Variants in CFAP20DC observed in about 807,000 individuals in gnomAD.
CFAP20DC encodes CFAP20 domain containing.
Under a neutral mutation model 101.7 loss-of-function variants are expected in CFAP20DC, and 84 were observed. The observed-to-expected ratio is 0.83, with a 90% CI of 0.69 to 0.99. The LOEUF is 0.99. CFAP20DC is among the 50% of genes least tolerant of loss of function. The pLI is 0.00. For synonymous variants in CFAP20DC, 359 were observed against 351.2 expected, an observed-to-expected ratio of 1.02 and a Z score of -0.25; for missense variants, 1,007 against 970.3, an observed-to-expected ratio of 1.04 and a Z score of -0.50.
intron 4 of CFAP20DC, among the ~76,000 whole-genome samples, chr3:58,950,055 T>A (rs1428997154): frequency 1.3e-5 from 2 of 152,200 alleles, no homozygotes; most frequent in Non-Finnish European, 2.9e-5. Context: ...CTTAAGCTGA[T>A]AGGCAACTTC....
At chr3:59,029,124 G>A (rs1270100030) in intron 4 of CFAP20DC, among the ~76,000 whole-genome samples, 3 of 152,094 alleles carry the variant, frequency 2.0e-5, no homozygotes, top group African/African-American at 7.2e-5. Flanking sequence ...TGAGAACAGA[G>A]ACTGGGTGCT....
Position 58,849,366 on chromosome 3 carries a change from G to C in CFAP20DC, c.1637C>G (p.Pro546Arg), listed in dbSNP as rs2078017158. 6.5e-7 allele frequency: 1 copy of C among 1,535,564 alleles called. No individual in the cohort carries two copies. Among genetic ancestry groups the C allele is most frequent in the African/African-American group, 1.4e-5 (1 of 72,980 alleles). ...TAATGTTAACTGAGTTAACTCTGAA[G>C]GACCAGTTGTTGGGCCTCGAGAACC... ...IQGSRGPTTGPSELTQLTLES... is the reference protein window; with the variant it reads ...IQGSRGPTTGRSELTQLTLES... The change falls in exon 13 of 17, where the codon CCT becomes CGT. Residue 546 changes from proline (P) to arginine (R), a missense_variant. Physicochemically the swap from Pro to Arg is moderately radical, Grantham distance 103. Transcript: ENST00000482387.
At chr3:58,915,326 G>A (rs1283327645) in intron 5 of CFAP20DC, among the ~76,000 whole-genome samples, 1 of 152,100 alleles carries the variant, frequency 6.6e-6, no homozygotes, top group Non-Finnish European at 1.5e-5. Context: ...ACTGTGGCTT[G>A]GTGAAATGCA....
intron 7 of CFAP20DC, among the ~76,000 whole-genome samples, chr3:58,879,773 C>T (rs374703202): frequency 1.3e-5 from 2 of 151,698 alleles, no homozygotes; most frequent in Admixed American, 6.6e-5. Context: ...ATTAGAGCCC[C>T]GAGTTCACCA....
At chr3:58,921,484 T>A (rs1223719079) in intron 5 of CFAP20DC, among the ~76,000 whole-genome samples, 3 of 146,178 alleles carry the variant, frequency 2.1e-5, no homozygotes, top group Non-Finnish European at 4.4e-5. Context: ...AATATTCTAA[T>A]TTTTTTTTAC....
chr3:58,978,085 G>C (rs1206621479), intron 4 of CFAP20DC, among the ~76,000 whole-genome samples: 1 of 152,202 alleles, frequency 6.6e-6, no homozygotes, highest in Non-Finnish European at 1.5e-5. Context: ...GCCAAGGCCT[G>C]CATAGCTCTT....
At chr3:58,751,635 T>C (rs1041813835) in intron 16 of CFAP20DC, among the ~76,000 whole-genome samples, 5 of 152,096 alleles carry the variant, frequency 3.3e-5, no homozygotes, top group African/African-American at 1.2e-4. Flanking sequence ...AATGGAAAAA[T>C]AATATTTCAA....
At chr3:58,944,630 T>C (rs2089098006) in intron 4 of CFAP20DC, among the ~76,000 whole-genome samples, 1 of 152,124 alleles carries the variant, frequency 6.6e-6, no homozygotes. Context: ...TCTGTCCTTA[T>C]AGAGTTTACA....
rs865787395 is a variant in CFAP20DC at position 59,005,930 on chromosome 3, T to A, written c.278+33627A>T. ...AGATGAAAACAAATGTGGTTTTCAG[T>A]GACTCAAATCTCTCATTTATTTAGG... On this transcript the variant is annotated intron_variant, in intron 4 of 16. Transcript: ENST00000482387. Among the ~76,000 whole-genome samples the A allele has an allele frequency of 5.9e-5, 9 of 152,272 alleles. No individual in the cohort carries two copies. The South Asian group carries it at 1.0e-3, about 18-fold the overall frequency.
intron 15 of CFAP20DC, among the ~76,000 whole-genome samples, chr3:58,761,026 G>C (rs556981143): frequency 2.6e-5 from 4 of 152,144 alleles, no homozygotes; most frequent in Admixed American, 6.5e-5. Context: ...CCAGGCTTTG[G>C]TATCAGGATG....
intron 15 of CFAP20DC, among the ~76,000 whole-genome samples, chr3:58,778,125 G>A (rs1233980105): frequency 6.6e-6 from 1 of 152,196 alleles, no homozygotes; most frequent in Non-Finnish European, 1.5e-5. Flanking sequence ...GCTGCTTCCA[G>A]AGAAAGCAAC....
chr3:58,814,141 C>T lies in CFAP20DC; in HGVS notation c.2176-7685G>A, dbSNP rs1005313955. On this transcript the variant is annotated intron_variant, in intron 14 of 16. Transcript: ENST00000482387. ...TTTTTAGAGGCATTTCCATGACTCT[C>T]TAAGCATCACAGACCTGATATTCAG... 2.6e-5 allele frequency among the ~76,000 whole-genome samples: 4 copies of T among 151,932 alleles called. No individual in the cohort carries two copies. In the East Asian group the frequency reaches 7.7e-4, roughly 29 times the overall value.
intron 3 of CFAP20DC, among the ~76,000 whole-genome samples, chr3:59,044,920 G>T (rs1007482136): frequency 7.9e-5 from 12 of 151,564 alleles, no homozygotes; most frequent in African/African-American, 2.9e-4. Flanking sequence ...GGTTTCCCTG[G>T]ATCATCTTAG....
chr3:58,822,589 A>C (rs908560311), intron 14 of CFAP20DC, among the ~76,000 whole-genome samples: 4 of 147,112 alleles, frequency 2.7e-5, no homozygotes, highest in African/African-American at 9.9e-5. Flanking sequence ...AAGTATAATA[A>C]AAAAAAAAAA....
At chr3:58,962,145 AT>A (rs2091193653) in intron 4 of CFAP20DC, among the ~76,000 whole-genome samples, 1 of 152,116 alleles carries the variant, frequency 6.6e-6, no homozygotes, top group South Asian at 2.1e-4. Context: ...TAACATATGA[AT>A]TTACAGCTCC....
chr3:58,768,412 T>C (rs1030875131), intron 15 of CFAP20DC, among the ~76,000 whole-genome samples: 2 of 152,182 alleles, frequency 1.3e-5, no homozygotes, highest in Admixed American at 1.3e-4. Context: ...TTTGGGATGA[T>C]GGAAGTGCTT....
At chr3:58,893,988 A>G (rs2082467040) in intron 6 of CFAP20DC, among the ~76,000 whole-genome samples, 2 of 152,220 alleles carry the variant, frequency 1.3e-5, no homozygotes, top group African/African-American at 4.8e-5. Flanking sequence ...AAGCTTGTGC[A>G]GGGAAACTCC....
chr3:58,791,842 AG>A (rs1433767079), intron 15 of CFAP20DC, among the ~76,000 whole-genome samples: 1 of 152,204 alleles, frequency 6.6e-6, no homozygotes, highest in Non-Finnish European at 1.5e-5. Context: ...ATAATCTGGA[AG>A]GTTTCACACC....
chr3:58,877,288 A>G (rs2080831358), intron 7 of CFAP20DC, among the ~76,000 whole-genome samples: 1 of 152,202 alleles, frequency 6.6e-6, no homozygotes, highest in Non-Finnish European at 1.5e-5. Flanking sequence ...TCCTTCAAAG[A>G]GCTCACAGTC....
Sources: allele counts gnomAD v4.1 joint callset (sites outside exome capture counted in the v4.1 genomes callset), GRCh38; gene constraint gnomAD v4.1.1; transcripts MANE v1.5; gene names NCBI Gene and HGNC (gene_info 2026-07-23, HGNC 2026-07-21).